Variants in CAMK4 observed in about 807,000 individuals in gnomAD.
CAMK4 encodes the protein calcium/calmodulin dependent protein kinase IV.
Under a neutral mutation model 44.9 loss-of-function variants are expected in CAMK4, and 22 were observed. The ratio of observed to expected loss-of-function variants is 0.49; its 90% CI spans 0.35 to 0.70. The LOEUF is 0.70. Ranked by LOEUF, CAMK4 falls within the 30% of genes least tolerant of loss-of-function variation. The pLI, the probability that CAMK4 is intolerant of heterozygous loss-of-function variation, is 0.01. For missense variants in CAMK4, 498 were observed against 586.8 expected (o/e 0.85, Z 1.56); for synonymous variants, 218 against 215.4 (o/e 1.01, Z -0.11).
chr5:111,492,529 G>A lies in CAMK4; in HGVS notation c.*8063G>A, dbSNP rs1561524719. On this transcript the variant is annotated 3_prime_UTR_variant, in exon 11 of 11. Coordinates refer to ENST00000282356, the MANE Select transcript of CAMK4 (RefSeq NM_001744.6). ...CTTCTTGATTGCTCAGTTTGAAGAC[G>A]ATCATTGATGGACAAATACTTTAGA... 1 of 152,112 alleles carries A rather than the reference G, an allele frequency of 6.6e-6. No homozygotes were observed. Among genetic ancestry groups the A allele is most frequent in the African/African-American group, 2.4e-5 (1 of 41,408 alleles). The allele number at this position is 152,112 out of a possible 1,614,324, so 9.4% of individuals were successfully genotyped here. A position where few individuals can be genotyped will look rare whatever the true frequency, so the allele number is the denominator to read the frequency against.
At chr5:111,467,934 TCACACACACACACACACA>T (rs60254627) in intron 7 of CAMK4, among the ~76,000 whole-genome samples, 3 of 143,350 alleles carry the variant, frequency 2.1e-5, no homozygotes, top group Admixed American at 7.0e-5. Flanking sequence ...AAAGAAATTG[TCACACACACACACACACA>T]CACACACACA....
intron 1 of CAMK4, among the ~76,000 whole-genome samples, chr5:111,336,695 A>G (rs946261981): frequency 6.6e-6 from 1 of 151,226 alleles, no homozygotes; most frequent in African/African-American, 2.4e-5. Context: ...GAGGAAATTA[A>G]GAAATGGATG....
chr5:111,457,573 A>G (rs980089245), intron 7 of CAMK4, among the ~76,000 whole-genome samples: 8 of 152,190 alleles, frequency 5.3e-5, no homozygotes, highest in Non-Finnish European at 1.0e-4. Context: ...ATTTAAGACA[A>G]ATTTTCAACA....
chr5:111,335,932 C>A (rs182079098), intron 1 of CAMK4, among the ~76,000 whole-genome samples: 1 of 151,266 alleles, frequency 6.6e-6, no homozygotes, highest in Admixed American at 6.6e-5. Flanking sequence ...ATATGGTGGT[C>A]TATATTTTTA....
chr5:111,278,945 C>G (rs1750885204), intron 1 of CAMK4, among the ~76,000 whole-genome samples: 1 of 152,288 alleles, frequency 6.6e-6, no homozygotes, highest in Non-Finnish European at 1.5e-5. Context: ...TTGGTTCACA[C>G]TAACCCAATG....
At position 111,484,068 on chromosome 5, in the gene CAMK4, G is replaced by A. The variant is rs779999425; in HGVS notation, c.1024G>A (p.Ala342Thr). 5.6e-6 allele frequency: 9 copies of A among 1,608,630 alleles called. No individual in the cohort carries two copies. The South Asian group carries it at 7.8e-5, about 14-fold the overall frequency. ...AVVASSRLGS[A>T]SSSHGSIQES... ...GGTGGCCTCTTCGCGCCTGGGAAGT[G>A]CCAGCAGCAGCCATGGCAGCATCCA... Residue 342 changes from alanine to threonine, a missense_variant, in exon 11 of 11, where the codon GCC becomes ACC. Physicochemically the swap from Ala to Thr is moderately conservative, Grantham distance 58. This residue lies in a region of CAMK4 where 203 missense variants were observed against 298.2 expected (regional missense o/e 0.68). Transcript: ENST00000282356. This position sits in a 1 kb window ranked among gnomAD's most constrained non-coding sequence, Gnocchi z 5.3.
chr5:111,269,180 C>T (rs1450760995), intron 1 of CAMK4, among the ~76,000 whole-genome samples: 1 of 152,118 alleles, frequency 6.6e-6, no homozygotes, highest in Non-Finnish European at 1.5e-5. Context: ...ATGGAGGTAC[C>T]TACTGTTCTG....
intron 5 of CAMK4, among the ~76,000 whole-genome samples, chr5:111,416,875 C>G (rs1752833953): frequency 6.6e-6 from 1 of 151,932 alleles, no homozygotes; most frequent in African/African-American, 2.4e-5. Flanking sequence ...TAATATTATT[C>G]AAATTTAGAG....
At position 111,447,774 on chromosome 5, in the gene CAMK4, G is replaced by A. The variant is rs79018480; in HGVS notation, c.550+998G>A. On this transcript the variant is annotated intron_variant, in intron 6 of 10. Transcript: ENST00000282356. Reference sequence around the variant, plus strand: ...TAACAATTAAGTTGTTCATATCAGGGAAGAGCTCAGATAACATAATGTGCT... The same window carrying A: ...TAACAATTAAGTTGTTCATATCAGGAAAGAGCTCAGATAACATAATGTGCT... Among the ~76,000 whole-genome samples, 20 of 152,280 alleles carry A rather than the reference G, an allele frequency of 1.3e-4. No individual in the cohort carries two copies. In the East Asian group the frequency reaches 3.9e-3, roughly 29 times the overall value.
intron 2 of CAMK4, among the ~76,000 whole-genome samples, chr5:111,364,754 G>T (rs1750726743): frequency 6.6e-6 from 1 of 151,994 alleles, no homozygotes; most frequent in Non-Finnish European, 1.5e-5. Context: ...GAGTCTGCAG[G>T]GAATAGGAAG....
chr5:111,351,708 G>T (rs1437224156), intron 2 of CAMK4, among the ~76,000 whole-genome samples: 1 of 151,894 alleles, frequency 6.6e-6, no homozygotes, highest in Non-Finnish European at 1.5e-5. Flanking sequence ...CACCACTCCT[G>T]GCCACAACTT....
chr5:111,336,857 A>C (rs977275330), intron 1 of CAMK4, among the ~76,000 whole-genome samples: 1 of 151,096 alleles, frequency 6.6e-6, no homozygotes, highest in African/African-American at 2.4e-5. Flanking sequence ...ACTTACTGTT[A>C]AATGAACATA....
chr5:111,327,506 T>G (rs1291443273), intron 1 of CAMK4, among the ~76,000 whole-genome samples: 101 of 152,174 alleles, frequency 6.6e-4, no homozygotes, highest in Non-Finnish European at 1.2e-3. Flanking sequence ...TGATTTACAG[T>G]CCTTTGGGTA....
chr5:111,365,333 A>G (rs1420305818), intron 2 of CAMK4: 1 of 152,150 alleles, frequency 6.6e-6, no homozygotes, highest in Non-Finnish European at 1.5e-5. Context: ...GTTGATGGTA[A>G]CAAGAAGGCC....
chr5:111,348,525 A>T (rs1749961218), intron 2 of CAMK4, among the ~76,000 whole-genome samples: 1 of 152,054 alleles, frequency 6.6e-6, no homozygotes, highest in East Asian at 1.9e-4. Flanking sequence ...AAATGGGTAT[A>T]ACATCATGTA....
At chr5:111,366,834 A>G (rs550025131) in intron 2 of CAMK4, among the ~76,000 whole-genome samples, 5 of 152,066 alleles carry the variant, frequency 3.3e-5, no homozygotes, top group African/African-American at 1.2e-4. Flanking sequence ...AAAAACCTGT[A>G]TAATTTCTTT....
intron 2 of CAMK4, among the ~76,000 whole-genome samples, chr5:111,359,244 C>CGCTTCTGCTCTTTAGTT (rs377397848): frequency 5.6e-5 from 2 of 35,570 alleles, no homozygotes; most frequent in Non-Finnish European, 7.1e-5. Flanking sequence ...ATTTTTTTGA[C>CGCTTCTGCTCTTTAGTT]TAATAGTAAC....
chr5:111,328,385 C>A, intron 1 of CAMK4, among the ~76,000 whole-genome samples: 1 of 151,610 alleles, frequency 6.6e-6, no homozygotes, highest in Non-Finnish European at 1.5e-5. Flanking sequence ...TGTTTTGGTA[C>A]CAGTACCTTG....
Position 111,420,746 on chromosome 5 carries a change from T to G in CAMK4, c.460-25940T>G, listed in dbSNP as rs1752996166. Among the ~76,000 whole-genome samples the G allele has an allele frequency of 2.6e-5, 4 of 152,230 alleles. No homozygotes were observed. In the South Asian group the frequency reaches 8.3e-4, roughly 31 times the overall value. ...AGAATTCAGCGATATTTCTCCCATT[T>G]GCTTTTGAAAGAAGAGAAATATGGC... On this transcript the variant is annotated intron_variant, in intron 5 of 10. Coordinates refer to ENST00000282356, the MANE Select transcript of CAMK4 (RefSeq NM_001744.6).
Sources: gnomAD v4.1 joint callset for allele counts (sites outside exome capture counted in the v4.1 genomes callset) on GRCh38, gnomAD v4.1.1 for gene constraint, gnomAD v4.1.1 regional missense constraint, Gnocchi (gnomAD v3.1) non-coding constraint, MANE v1.5 for transcripts, NCBI Gene and HGNC (gene_info 2026-07-23, HGNC 2026-07-21) for gene names.